BRI3: variants seen among roughly 807,000 people sequenced by gnomAD.
BRI3 encodes brain protein I3, also known as membrane protein BRI3.
A neutral mutation model predicts 12.8 loss-of-function variants in BRI3; 6 were observed. The observed-to-expected ratio is 0.47, with a 90% CI of 0.26 to 0.93. The LOEUF is 0.93. BRI3 is among the 40% of genes least tolerant of loss of function. The probability of loss-of-function intolerance (pLI) is 0.15; values close to 1 mark genes in which losing one functional copy is unlikely to be tolerated. For synonymous variants in BRI3, 91 were observed against 76.1 expected (o/e 1.20, Z -1.02); for missense variants, 134 against 171.1 (o/e 0.78, Z 1.21).
chr7:98,317,268 T>C, the BRI3 span: 3 of 1,614,246 alleles, frequency 1.9e-6, no homozygotes, highest in South Asian at 2.2e-5. Flanking sequence ...TCCTTGGCTT[T>C]TCCTTCTGAT....
At chr7:98,294,587 A>T (rs1449397560), downstream of BRI3, among the ~76,000 whole-genome samples, 1 of 152,220 alleles carries the variant, frequency 6.6e-6, no homozygotes, top group Admixed American at 6.5e-5. Flanking sequence ...GCGACATCAC[A>T]GAAGAAAACA....
chr7:98,302,746 A>C (rs1210007029), upstream of BRI3, among the ~76,000 whole-genome samples: 2 of 152,214 alleles, frequency 1.3e-5, no homozygotes, highest in Non-Finnish European at 2.9e-5. Flanking sequence ...ATTATAATGT[A>C]TGGAGCTGAT....
chr7:98,296,676 CAT>C (rs1285529073), downstream of BRI3, among the ~76,000 whole-genome samples: 1 of 152,170 alleles, frequency 6.6e-6, no homozygotes, highest in East Asian at 1.9e-4. Context: ...ACAACAAAAA[CAT>C]ATTGGACGTG....
At chr7:98,292,833 A>G (rs1228329761), downstream of BRI3, 1 of 1,467,908 alleles carries the variant, frequency 6.8e-7, no homozygotes, top group African/African-American at 1.4e-5. Flanking sequence ...TGTGCAGCGA[A>G]TCCGTTGGCG....
At chr7:98,289,023 C>T (rs62479855) in intron 2 of BRI3, among the ~76,000 whole-genome samples, 6,705 of 152,086 alleles carry the variant, frequency 0.044, 193 homozygotes, top group Non-Finnish European at 0.069. Flanking sequence ...TGCAGTGGCA[C>T]GATCTCAGCT....
chr7:98,292,041 A>T (rs1374512576), downstream of BRI3: 1 of 153,608 alleles, frequency 6.5e-6, no homozygotes, highest in Non-Finnish European at 1.4e-5. Flanking sequence ...TGGTGCCTGC[A>T]GCCCCTTCAT....
chr7:98,298,969 G>A (rs922735179), intron 1 of BRI3, among the ~76,000 whole-genome samples: 1 of 152,054 alleles, frequency 6.6e-6, no homozygotes, highest in African/African-American at 2.4e-5. Context: ...AGGCTCCTGA[G>A]TAGACTACAG....
At chr7:98,310,661 CTGT>C (rs1584439696), downstream of BRI3, 1 of 1,252,866 alleles carries the variant, frequency 8.0e-7, no homozygotes, top group East Asian at 2.8e-5. Context: ...ATTCCCAAGG[CTGT>C]TTTTTTTTTT....
chr7:98,304,466 TA>T, upstream of BRI3: 1 of 1,271,204 alleles, frequency 7.9e-7, no homozygotes, highest in South Asian at 1.3e-5. Flanking sequence ...AGGACAACAG[TA>T]ATAGTACATC....
downstream of BRI3, chr7:98,312,247 A>G: frequency 6.2e-7 from 1 of 1,612,704 alleles, no homozygotes; most frequent in Non-Finnish European, 8.5e-7. Flanking sequence ...GCAGCTTGGA[A>G]TTCAGTAGTT....
At chr7:98,289,564 T>A (rs1299011659) in intron 2 of BRI3, among the ~76,000 whole-genome samples, 1 of 152,140 alleles carries the variant, frequency 6.6e-6, no homozygotes, top group African/African-American at 2.4e-5. Flanking sequence ...TAGGCTCCCC[T>A]TCCCCCCTAA....
In BRI3 at chr7:98,282,813, C is replaced by T. The variant is rs555272641; in HGVS notation, c.245+360C>T. 31 of 226,308 alleles carry T rather than the reference C, an allele frequency of 1.4e-4. No individual in the cohort carries two copies. In the East Asian group the frequency reaches 3.6e-3, roughly 26 times the overall value. 14.0% of individuals were successfully genotyped at this position (226,308 alleles called of 1,614,324 possible). On this transcript the variant is annotated intron_variant, in intron 2 of 2. Coordinates refer to ENST00000297290, the MANE Select transcript of BRI3 (RefSeq NM_015379.5). ...AGGTGTCTGCTTTTTCCTTCACTTT[C>T]CGCAAGTTTACTCTGCAGTTGATCG...
chr7:98,320,374 C>T, the BRI3 span: 2,152 of 1,189,122 alleles, frequency 1.8e-3, 5 homozygotes, highest in Admixed American at 2.0e-3. Context: ...TTTGCTCTGT[C>T]GCCCAGGCTG....
chr7:98,318,870 G>A, the BRI3 span, among the ~76,000 whole-genome samples: 1 of 151,198 alleles, frequency 6.6e-6, no homozygotes, highest in Non-Finnish European at 1.5e-5. Flanking sequence ...CTGGAACCCA[G>A]GAGGCGGAGG....
chr7:98,298,521 G>A (rs1800284152), intron 1 of BRI3, among the ~76,000 whole-genome samples: 2 of 152,062 alleles, frequency 1.3e-5, no homozygotes, highest in Admixed American at 1.3e-4. Context: ...GCTGAGGCAG[G>A]AGAATGGCGT....
At chr7:98,304,126 C>G (rs1800536420), upstream of BRI3, 1 of 1,457,294 alleles carries the variant, frequency 6.9e-7, no homozygotes, top group African/African-American at 1.4e-5. Context: ...GCGGTCACCA[C>G]AGGACCTGCG....
At chr7:98,282,487 GA>G in intron 2 of BRI3, 34 bp downstream of exon 2, 1 of 1,573,892 alleles carries the variant, frequency 6.4e-7, no homozygotes. Flanking sequence ...ACTGGCCCTG[GA>G]AGCTCTGAGG....
upstream of BRI3, chr7:98,304,137 C>T (rs1484636129): frequency 1.4e-6 from 2 of 1,478,644 alleles, no homozygotes; most frequent in East Asian, 5.0e-5. Context: ...AGGACCTGCG[C>T]CTCCCAGTCG....
chr7:98,291,345 A>C lies in BRI3; in HGVS notation c.*102A>C, dbSNP rs926072460. On this transcript the variant is annotated 3_prime_UTR_variant, in exon 3 of 3. Coordinates refer to ENST00000297290, the MANE Select transcript of BRI3 (RefSeq NM_015379.5). ...GATTAAGCTTCAGGACTGTTTTGTA[A>C]AGCGAGGTGGGACCGATGTGGCACA... 25 of 1,544,062 alleles carry C rather than the reference A, an allele frequency of 1.6e-5. No individual in the cohort carries two copies. Among genetic ancestry groups the C allele is most frequent in the Admixed American group, 3.8e-5 (2 of 52,588 alleles).
Sources: allele counts gnomAD v4.1 joint callset (sites outside exome capture counted in the v4.1 genomes callset), GRCh38; gene constraint gnomAD v4.1.1; transcripts MANE v1.5; gene names NCBI Gene and HGNC (gene_info 2026-07-23, HGNC 2026-07-21).